Variants in TAX1BP1 observed in about 807,000 individuals in gnomAD.
TAX1BP1 encodes the protein Tax1 binding protein 1.
In TAX1BP1, 62 loss-of-function variants were observed where a neutral mutation model predicts 97.7. The observed-to-expected ratio is 0.63, with a 90% CI of 0.52 to 0.78. TAX1BP1 has a LOEUF of 0.78. Among genes scored for constraint, TAX1BP1 ranks in the 30% least tolerant of loss-of-function variants. TAX1BP1 has a pLI of 0.00. For synonymous variants in TAX1BP1, 340 were observed against 304.2 expected, an observed-to-expected ratio of 1.12 and a Z score of -1.23; for missense variants, 867 against 916.1, an observed-to-expected ratio of 0.95 and a Z score of 0.69.
chr7:27,787,913 G>A lies in TAX1BP1; in HGVS notation c.1038+310G>A, dbSNP rs78150685. Among the ~76,000 whole-genome samples the A allele has an allele frequency of 8.4e-3, 1,277 of 151,992 alleles. 28 individuals carry two copies. Among genetic ancestry groups the A allele is most frequent in the African/African-American group, 0.03 (1,237 of 41,476 alleles). ...CATTCTTCTTCATAGCCATGACACCGTTATTACACCTAAGAATTTAGCACT... is the reference window on the plus strand; with the variant it reads ...CATTCTTCTTCATAGCCATGACACCATTATTACACCTAAGAATTTAGCACT... On this transcript the variant is annotated intron_variant, in intron 8 of 16. Transcript: ENST00000396319.
chr7:27,778,487 A>G (rs776618575), intron 5 of TAX1BP1, among the ~76,000 whole-genome samples: 1 of 152,212 alleles, frequency 6.6e-6, no homozygotes, highest in Non-Finnish European at 1.5e-5. Flanking sequence ...GATTGTATCC[A>G]GGATTATTCA....
In TAX1BP1 at chr7:27,769,839, G is replaced by A. The variant is rs1442601857; in HGVS notation, c.612+5G>A. On this transcript the variant is annotated splice_donor_5th_base_variant and intron_variant, in intron 5 of 16. Coordinates refer to ENST00000396319, the MANE Select transcript of TAX1BP1 (RefSeq NM_006024.7). ...CAACTGCAAGCAGAACAAAAGGTTA[G>A]TTGTGTCTTATGTAACTGATTGAAG... 28 of 1,611,414 alleles carry A rather than the reference G, an allele frequency of 1.7e-5. No individual in the cohort carries two copies. The Middle Eastern group carries it at 5.0e-4, about 29-fold the overall frequency.
intron 7 of TAX1BP1, among the ~76,000 whole-genome samples, chr7:27,786,411 G>A (rs1420905011): frequency 1.3e-5 from 2 of 152,148 alleles, no homozygotes; most frequent in Non-Finnish European, 2.9e-5. Context: ...GTGAGCCGCC[G>A]TGCCTGGCAG....
At chr7:27,759,439 T>C (rs1162851295) in intron 3 of TAX1BP1, among the ~76,000 whole-genome samples, 2 of 152,194 alleles carry the variant, frequency 1.3e-5, no homozygotes, top group Non-Finnish European at 1.5e-5. Flanking sequence ...AAGTACATGC[T>C]AAAATTTTAG....
intron 13 of TAX1BP1, among the ~76,000 whole-genome samples, chr7:27,808,570 C>A (rs976721575): frequency 6.6e-6 from 1 of 152,066 alleles, no homozygotes; most frequent in Admixed American, 6.6e-5. Context: ...CAGAACATTC[C>A]CATGATGGCA....
chr7:27,769,432 A>G (rs777939535), intron 4 of TAX1BP1, among the ~76,000 whole-genome samples: 7 of 151,986 alleles, frequency 4.6e-5, no homozygotes, highest in Non-Finnish European at 1.0e-4. Context: ...CAACTTCATA[A>G]TACAGTTCTC....
intron 2 of TAX1BP1, among the ~76,000 whole-genome samples, chr7:27,757,564 T>C (rs1788269359): frequency 6.6e-6 from 1 of 152,138 alleles, no homozygotes; most frequent in African/African-American, 2.4e-5. Flanking sequence ...GAATTTGTAA[T>C]GCATGTCTAA....
Position 27,785,164 on chromosome 7 carries a change from G to T in TAX1BP1, c.614G>T (p.Gly205Val). ...AAATACCTTGTTGTCACTTCTCAGG[G>T]TCTTACTGAAGTAACACAAAGCTTA... Reference protein sequence around the residue: ...RCDQLQAEQKGLTEVTQSLKM... With the variant: ...RCDQLQAEQKVLTEVTQSLKM... The change falls in exon 6 of 17, where the codon GGT (glycine) becomes GTT (valine). Residue 205 changes from glycine (G) to valine (V), a missense_variant and splice_region_variant. This residue lies in a region of TAX1BP1 where 822 missense variants were observed against 851.4 expected (regional missense o/e 0.97). Transcript: ENST00000396319. 1 of 1,604,966 alleles carries T rather than the reference G, an allele frequency of 6.2e-7. No homozygotes were observed. The highest frequency in any genetic ancestry group is 8.5e-7 in the Non-Finnish European group (1 of 1,177,252).
chr7:27,795,850 C>T (rs185883933), intron 11 of TAX1BP1, among the ~76,000 whole-genome samples: 17 of 152,268 alleles, frequency 1.1e-4, no homozygotes, highest in Admixed American at 3.3e-4. Context: ...CGTGCCCGGC[C>T]GCTTTTTAGC....
chr7:27,791,806 C>T (rs1201197496), intron 8 of TAX1BP1, among the ~76,000 whole-genome samples, 200 bp from the exon 9 acceptor site: 2 of 152,028 alleles, frequency 1.3e-5, no homozygotes, highest in African/African-American at 4.8e-5. Context: ...GCAGTGAAAC[C>T]AAGTACATAG....
At chr7:27,797,597 T>C (rs1583387411) in intron 12 of TAX1BP1, among the ~76,000 whole-genome samples, 1 of 152,242 alleles carries the variant, frequency 6.6e-6, no homozygotes, top group Middle Eastern at 3.4e-3. Context: ...TAAAATATTT[T>C]GTTGCTTATA....
intron 12 of TAX1BP1, among the ~76,000 whole-genome samples, chr7:27,798,641 G>A (rs1338889693): frequency 6.8e-6 from 1 of 146,322 alleles, no homozygotes; most frequent in East Asian, 2.0e-4. Context: ...TCCAGCCTGG[G>A]TGACAGAGTG....
At chr7:27,806,118 C>G (rs1790327575) in intron 13 of TAX1BP1, among the ~76,000 whole-genome samples, 1 of 147,664 alleles carries the variant, frequency 6.8e-6, no homozygotes, top group South Asian at 2.1e-4. Context: ...TGGTGTCTTG[C>G]TCTGTTGCCC....
chr7:27,766,344 C>T (rs528412845), intron 4 of TAX1BP1, among the ~76,000 whole-genome samples: 158 of 136,008 alleles, frequency 1.2e-3, no homozygotes, highest in African/African-American at 4.1e-3. Flanking sequence ...GGCATGAACC[C>T]GGGAGGCAGA....
chr7:27,754,749 AT>A (rs919590076), intron 2 of TAX1BP1, among the ~76,000 whole-genome samples: 166 of 150,836 alleles, frequency 1.1e-3, no homozygotes, highest in African/African-American at 3.7e-3. Flanking sequence ...ATTTTTTTAA[AT>A]TTTTTTTTAT....
chr7:27,828,631 T>G lies in TAX1BP1; in HGVS notation c.2172T>G (p.Phe724Leu). 6.2e-7 allele frequency: 1 copy of G among 1,613,732 alleles called. No homozygotes were observed. The highest frequency in any genetic ancestry group is 1.1e-5 in the South Asian group (1 of 91,030). ...TTCTTTCATTTTTCTCTTTAAGCTT[T>G]GATGTTCACAAGAAGTGTCCCCTCT... The part of the protein sequence containing the change: ...HGTGFCFDSS[F>L]DVHKKCPLCE... Residue 724 changes from phenylalanine to leucine, a missense_variant, in exon 17 of 17, where the codon TTT (phenylalanine) becomes TTG (leucine). This residue lies in a region of TAX1BP1 where 822 missense variants were observed against 851.4 expected (regional missense o/e 0.97). Coordinates refer to ENST00000396319, the MANE Select transcript of TAX1BP1 (RefSeq NM_006024.7).
In TAX1BP1 at chr7:27,818,589, C is replaced by T. The variant is rs995482124; in HGVS notation, c.2085+1551C>T. ...CTACTCTTTCAGCCTACCCTAGTGCCTACACCTGCCATATCTCCTCTCTTC... is the reference window on the plus strand; with the variant it reads ...CTACTCTTTCAGCCTACCCTAGTGCTTACACCTGCCATATCTCCTCTCTTC... On this transcript the variant is annotated intron_variant, in intron 15 of 16. Transcript: ENST00000396319. 2.2e-4 allele frequency among the ~76,000 whole-genome samples: 33 copies of T among 152,208 alleles called. 1 individual carries two copies. The highest frequency in any genetic ancestry group is 2.0e-3 in the Admixed American group (30 of 15,276).
chr7:27,814,743 G>C (rs561284501), intron 13 of TAX1BP1, among the ~76,000 whole-genome samples: 2 of 150,084 alleles, frequency 1.3e-5, no homozygotes, highest in African/African-American at 4.9e-5. Context: ...CATTTTTCTA[G>C]TTTTTTTTTT....
At chr7:27,754,750 T>A (rs566161474) in intron 2 of TAX1BP1, among the ~76,000 whole-genome samples, 2 of 151,218 alleles carry the variant, frequency 1.3e-5, no homozygotes, top group South Asian at 2.1e-4. Flanking sequence ...TTTTTTTAAA[T>A]TTTTTTTTAT....
Sources: gnomAD v4.1 joint callset for allele counts (sites outside exome capture counted in the v4.1 genomes callset) on GRCh38, gnomAD v4.1.1 for gene constraint, gnomAD v4.1.1 regional missense constraint, MANE v1.5 for transcripts, NCBI Gene and HGNC (gene_info 2026-07-23, HGNC 2026-07-21) for gene names.